RNF213: variants seen among roughly 807,000 people sequenced by gnomAD.
RNF213 encodes ring finger protein 213.
RNF213 carries 341 observed loss-of-function variants against 514.4 expected under a neutral mutation model. The ratio of observed to expected loss-of-function variants is 0.66; its 90% CI spans 0.61 to 0.73. The LOEUF (loss-of-function observed/expected upper bound fraction) is 0.73. Among genes scored for constraint, RNF213 ranks in the 30% least tolerant of loss-of-function variants. The pLI is 0.00. For synonymous variants in RNF213, 2,655 were observed against 2,658.2 expected (o/e 1.00, Z 0.04); for missense variants, 5,767 against 6,615.6 (o/e 0.87, Z 4.45).
intron 40 of RNF213, 41 bp from the exon 41 acceptor site, chr17:80,363,568 A>T: frequency 6.2e-7 from 1 of 1,606,814 alleles, no homozygotes; most frequent in East Asian, 2.2e-5. Context: ...GGCCGGTGGG[A>T]GGGGCACCGC....
intron 37 of RNF213, among the ~76,000 whole-genome samples, chr17:80,359,602 GAGAA>G (rs1255368669): frequency 1.6e-5 from 2 of 124,860 alleles, no homozygotes; most frequent in Non-Finnish European, 1.8e-5. Flanking sequence ...GAAAGAGCGA[GAGAA>G]AGAGAGAAAG....
chr17:80,379,663 C>A lies in RNF213; in HGVS notation c.13589C>A (p.Ala4530Glu), dbSNP rs151100315. 2 of 1,614,070 alleles carry A rather than the reference C, an allele frequency of 1.2e-6. No homozygotes were observed. Among genetic ancestry groups the A allele is most frequent in the Non-Finnish European group, 1.7e-6 (2 of 1,180,040 alleles). ...CAGAGCATCTGCATTGACTGCCATG[C>A]GCCGATTGGAGGCATTGACCACAAA... ...MEQSICIDCH[A>E]PIGGIDHKPR... is the part of the protein sequence containing the mutation. Residue 4530 changes from alanine to glutamate, a missense_variant, in exon 55 of 68, where the codon GCG (alanine) becomes GAG (glutamate). Coordinates refer to ENST00000582970, the MANE Select transcript of RNF213 (RefSeq NM_001256071.3).
At chr17:80,293,308 C>T (rs1183174444) in intron 8 of RNF213, among the ~76,000 whole-genome samples, 2 of 151,962 alleles carry the variant, frequency 1.3e-5, no homozygotes, top group Non-Finnish European at 2.9e-5. Flanking sequence ...GCAATCCGCC[C>T]ATCTTGGCCT....
In RNF213 at chr17:80,355,675, G is replaced by GA. The variant is rs1568123814; in HGVS notation, c.10862+1099_10862+1100insA. Among the ~76,000 whole-genome samples, 5 of 16,194 alleles carry GA rather than the reference G, an allele frequency of 3.1e-4. 1 individual carries two copies. The highest frequency in any genetic ancestry group is 0.038 in the Middle Eastern group (1 of 26). 10.6% of individuals were successfully genotyped at this position (16,194 alleles called of 152,430 possible). A position where few individuals can be genotyped will look rare whatever the true frequency, so the allele number is the denominator to read the frequency against. On this transcript the variant is annotated intron_variant, in intron 36 of 67. Coordinates refer to ENST00000582970, the MANE Select transcript of RNF213 (RefSeq NM_001256071.3). Reference sequence around the variant, plus strand: ...GTGGACGGGAATGGGGGCTTACAGGGGGAAGAAGCGGGGTGACCGGGAATG... The same window carrying GA: ...GTGGACGGGAATGGGGGCTTACAGGGAGGAAGAAGCGGGGTGACCGGGAATG...
intron 10 of RNF213, among the ~76,000 whole-genome samples, chr17:80,297,429 G>A (rs1226575026): frequency 2.4e-4 from 31 of 130,258 alleles, no homozygotes; most frequent in Middle Eastern, 0.012. Context: ...CAGCCTGGGC[G>A]ACACAGTGAG....
rs111321337 is a variant in RNF213 at position 80,351,739 on chromosome 17, C to T, written c.10239C>T (p.Phe3413=). Reference sequence around the variant, plus strand: ...TACGAGAAAATGAGGACCGTATCTTCGTCTATTTCATCACAAAACTGTCCC... The same window carrying T: ...TACGAGAAAATGAGGACCGTATCTTTGTCTATTTCATCACAAAACTGTCCC... ...NKIRENEDRI[F]VYFITKLSRV... Residue 3413 remains phenylalanine (F), a synonymous_variant, in exon 32 of 68, where the codon TTC becomes TTT. Transcript: ENST00000582970. 3.2e-5 allele frequency: 52 copies of T among 1,612,868 alleles called. No individual in the cohort carries two copies. Among genetic ancestry groups the T allele is most frequent in the Middle Eastern group, 1.6e-4 (1 of 6,062 alleles).
intron 3 of RNF213, chr17:80,278,738 G>A (rs1212996899): frequency 2.0e-6 from 3 of 1,536,944 alleles, no homozygotes; most frequent in Admixed American, 2.0e-5. Flanking sequence ...GCCCTGCCCT[G>A]TCTGAAGGGG....
intron 67 of RNF213, among the ~76,000 whole-genome samples, chr17:80,391,954 A>G (rs1451302367): frequency 1.3e-5 from 2 of 151,788 alleles, no homozygotes; most frequent in Admixed American, 6.6e-5. Flanking sequence ...CTTTTAGTAG[A>G]GACGGGTTTC....
At position 80,390,158 on chromosome 17, in the gene RNF213, C is replaced by T; in HGVS notation, c.15432C>T (p.Pro5144=). 1 of 1,614,142 alleles carries T rather than the reference C, an allele frequency of 6.2e-7. No individual in the cohort carries two copies. Residue 5144 remains proline (P), a synonymous_variant, in exon 67 of 68, where the codon CCC becomes CCT. Transcript: ENST00000582970. ...HEMIILKLKN[P]QTQTEERFRP... The stretch of plus-strand genomic sequence containing the variant: ...TGATAATCTTGAAACTAAAGAACCC[C>T]CAAACCCAAACCGAGGAGCGCTTCC...
chr17:80,310,599 C>T (rs2045537260), intron 14 of RNF213, among the ~76,000 whole-genome samples: 1 of 151,620 alleles, frequency 6.6e-6, no homozygotes, highest in South Asian at 2.1e-4. Context: ...GTTGCCCAGG[C>T]TGTAGTGCAA....
At chr17:80,378,717 A>G (rs989510795) in intron 54 of RNF213, among the ~76,000 whole-genome samples, 7 of 152,174 alleles carry the variant, frequency 4.6e-5, no homozygotes, top group African/African-American at 1.7e-4. Flanking sequence ...TGTCCATGAA[A>G]TGAGGACGCT....
rs1358986486 is a variant in RNF213, at chr17:80,390,163, C to T, written c.15437C>T (p.Thr5146Ile). 6.2e-7 allele frequency: 1 copy of T among 1,614,068 alleles called. No homozygotes were observed. Among genetic ancestry groups the T allele is most frequent in the Non-Finnish European group, 8.5e-7 (1 of 1,180,056 alleles). The change falls in exon 67 of 68, where the codon ACC becomes ATC. Residue 5146 changes from threonine (T) to isoleucine (I), a missense_variant. Thr to Ile is a moderately conservative substitution (Grantham distance 89). Coordinates refer to ENST00000582970, the MANE Select transcript of RNF213 (RefSeq NM_001256071.3). ...ATCTTGAAACTAAAGAACCCCCAAACCCAAACCGAGGAGCGCTTCCGCCCT... is the reference window on the plus strand; with the variant it reads ...ATCTTGAAACTAAAGAACCCCCAAATCCAAACCGAGGAGCGCTTCCGCCCT... ...MIILKLKNPQ[T>I]QTEERFRPQW...
Position 80,295,565 on chromosome 17 carries a change from A to G in RNF213, c.1764A>G (p.Arg588=), listed in dbSNP as rs1310591811. 1.2e-6 allele frequency: 2 copies of G among 1,614,136 alleles called. No individual in the cohort carries two copies. Among genetic ancestry groups the G allele is most frequent in the East Asian group, 2.2e-5 (1 of 44,880 alleles). Residue 588 remains arginine, a synonymous_variant, in exon 10 of 68, where the codon AGA becomes AGG. Transcript: ENST00000582970. ...DLQYREKEVK[R]YLWQHLKKHV... is the part of the protein sequence containing the mutation. Reference sequence around the variant, plus strand: ...TCTTCTCCCACCATCAGGTGAAGAGATACCTGTGGCAACATCTGAAAAAAC... The same window carrying G: ...TCTTCTCCCACCATCAGGTGAAGAGGTACCTGTGGCAACATCTGAAAAAAC...
intron 2 of RNF213, among the ~76,000 whole-genome samples, chr17:80,272,555 C>T (rs1300750477): frequency 2.0e-5 from 3 of 152,198 alleles, no homozygotes; most frequent in Non-Finnish European, 2.9e-5. Flanking sequence ...TGACCGCAAA[C>T]GGCACCAAGC....
At chr17:80,388,973 A>C in intron 64 of RNF213, 200 bp from the exon 65 acceptor site, 1 of 629,076 alleles carries the variant, frequency 1.6e-6, no homozygotes, top group South Asian at 1.9e-5. Context: ...TGCTCTCCGC[A>C]TGCGGGTACT....
chr17:80,356,780 T>C (rs1228451385), intron 36 of RNF213, among the ~76,000 whole-genome samples: 1 of 152,222 alleles, frequency 6.6e-6, no homozygotes, highest in African/African-American at 2.4e-5. Context: ...CTCTGTGCAC[T>C]GGGATGCTTT....
rs539154071 is a variant in RNF213, at chr17:80,288,888, G to A, written c.933+133G>A. On this transcript the variant is annotated intron_variant, in intron 5 of 67. Coordinates refer to ENST00000582970, the MANE Select transcript of RNF213 (RefSeq NM_001256071.3). This position sits in a 1 kb window ranked among gnomAD's most constrained non-coding sequence, Gnocchi z 4.9. ...TGATTCAGACAAAGCTCTGGCCTTC[G>A]GGGTGCTCACATTCCAGCGGAGAGA... is the stretch of plus-strand genomic sequence containing the variant. 6 of 1,474,664 alleles carry A rather than the reference G, an allele frequency of 4.1e-6. No individual in the cohort carries two copies. Among genetic ancestry groups the A allele is most frequent in the East Asian group, 2.3e-5 (1 of 42,752 alleles). The allele number at this position is 1,474,664 out of a possible 1,614,324, so 91.3% of individuals were successfully genotyped here. A position where few individuals can be genotyped will look rare whatever the true frequency, so the allele number is the denominator to read the frequency against.
At chr17:80,313,643 G>T (rs1241631788) in intron 15 of RNF213, among the ~76,000 whole-genome samples, 1 of 148,908 alleles carries the variant, frequency 6.7e-6, no homozygotes, top group Admixed American at 6.7e-5. Context: ...TGGTGGTGAT[G>T]GTGATGGTTG....
intron 8 of RNF213, among the ~76,000 whole-genome samples, chr17:80,294,266 C>T: frequency 6.6e-6 from 1 of 152,202 alleles, no homozygotes; most frequent in African/African-American, 2.4e-5. Flanking sequence ...GCACCTTCCT[C>T]CAGGGGCTGT....
Sources: gnomAD v4.1 joint callset for allele counts (sites outside exome capture counted in the v4.1 genomes callset) on GRCh38, gnomAD v4.1.1 for gene constraint, Gnocchi (gnomAD v3.1) non-coding constraint, MANE v1.5 for transcripts, NCBI Gene and HGNC (gene_info 2026-07-23, HGNC 2026-07-21) for gene names.